The following PPARGC1A variants were observed in gnomAD, a reference collection of about 807,000 sequenced individuals.
The protein encoded by PPARGC1A is peroxisome proliferator-activated receptor gamma coactivator 1-alpha.
In PPARGC1A, 25 loss-of-function variants were observed where a neutral mutation model predicts 88.7. The ratio of observed to expected loss-of-function variants is 0.28; its 90% CI spans 0.21 to 0.39. The LOEUF (loss-of-function observed/expected upper bound fraction) is 0.39. Ranked by LOEUF, PPARGC1A falls within the 10% of genes least tolerant of loss-of-function variation. PPARGC1A has a pLI of 1.00. For synonymous variants in PPARGC1A, 363 were observed against 355.6 expected, an observed-to-expected ratio of 1.02 and a Z score of -0.24; for missense variants, 880 against 968.7, an observed-to-expected ratio of 0.91 and a Z score of 1.22.
the PPARGC1A span, among the ~76,000 whole-genome samples, chr4:24,254,374 G>A: frequency 6.6e-6 from 1 of 152,120 alleles, no homozygotes; most frequent in Non-Finnish European, 1.5e-5. Context: ...TGTCTTTTCA[G>A]AGGCTCCACA....
the PPARGC1A span, among the ~76,000 whole-genome samples, chr4:24,121,621 AG>A: frequency 6.6e-6 from 1 of 152,148 alleles, no homozygotes; most frequent in Non-Finnish European, 1.5e-5. Flanking sequence ...ACAGGTGACC[AG>A]GGGAGAGGAA....
At chr4:24,216,515 T>A in the PPARGC1A span, among the ~76,000 whole-genome samples, 1 of 152,152 alleles carries the variant, frequency 6.6e-6, no homozygotes, top group African/African-American at 2.4e-5. Context: ...CGGCTCTTCT[T>A]CAGGAGGAGA....
the PPARGC1A span, among the ~76,000 whole-genome samples, chr4:24,296,866 C>T: frequency 1.3e-5 from 2 of 152,138 alleles, no homozygotes; most frequent in African/African-American, 4.8e-5. Flanking sequence ...AGGATGCATA[C>T]GAAGTTCTGT....
At chr4:23,868,635 G>T (rs1712585523) in intron 2 of PPARGC1A, among the ~76,000 whole-genome samples, 1 of 152,136 alleles carries the variant, frequency 6.6e-6, no homozygotes, top group Non-Finnish European at 1.5e-5. Flanking sequence ...CAATTCGAAG[G>T]CCTTAACGAA....
chr4:24,387,770 A>AGAGAGAGAGAGAGAGAGAG, the PPARGC1A span, among the ~76,000 whole-genome samples: 1 of 58,838 alleles, frequency 1.7e-5, no homozygotes, highest in African/African-American at 7.4e-5. Flanking sequence ...GAGAGAGAGA[A>AGAGAGAGAGAGAGAGAGAG]AGAAAGAAAG....
the PPARGC1A span, among the ~76,000 whole-genome samples, chr4:24,333,934 CAACAACAAAAAAAAAAA>C: frequency 5.7e-4 from 8 of 14,158 alleles, no homozygotes; most frequent in Admixed American, 9.5e-4. Context: ...ACTCCAACAA[CAACAACAAAAAAAAAAA>C]AAAAAAAAAA....
At chr4:23,901,106 G>A (rs1490701306), upstream of PPARGC1A, among the ~76,000 whole-genome samples, 2 of 152,084 alleles carry the variant, frequency 1.3e-5, no homozygotes, top group Admixed American at 6.6e-5. Flanking sequence ...GGTGGCTCAT[G>A]CCTGTAATCC....
At chr4:24,469,103 G>C in the PPARGC1A span, among the ~76,000 whole-genome samples, 1 of 152,190 alleles carries the variant, frequency 6.6e-6, no homozygotes, top group Non-Finnish European at 1.5e-5. Flanking sequence ...GGAAACGCAG[G>C]ATATGTAAGC....
At chr4:24,315,884 C>G in the PPARGC1A span, among the ~76,000 whole-genome samples, 2 of 152,230 alleles carry the variant, frequency 1.3e-5, no homozygotes, top group African/African-American at 4.8e-5. Context: ...CAGACCCAAT[C>G]TGGAGTGCAT....
the PPARGC1A span, among the ~76,000 whole-genome samples, chr4:23,994,325 G>C: frequency 6.6e-6 from 1 of 152,128 alleles, no homozygotes; most frequent in Non-Finnish European, 1.5e-5. Context: ...ATTCAGCAGA[G>C]AGACTTTAAA....
the PPARGC1A span, among the ~76,000 whole-genome samples, chr4:23,934,973 C>T: frequency 2.0e-5 from 3 of 152,218 alleles, no homozygotes; most frequent in Non-Finnish European, 4.4e-5. Flanking sequence ...TTTCACAAAG[C>T]TTCCCTGTCT....
the PPARGC1A span, among the ~76,000 whole-genome samples, chr4:24,457,445 G>T: frequency 6.6e-6 from 1 of 152,154 alleles, no homozygotes; most frequent in Non-Finnish European, 1.5e-5. Flanking sequence ...GGTCCAATCA[G>T]ACAAACAATA....
chr4:24,232,255 T>C, the PPARGC1A span, among the ~76,000 whole-genome samples: 2 of 151,886 alleles, frequency 1.3e-5, no homozygotes, highest in Non-Finnish European at 2.9e-5. Flanking sequence ...GAATCACAGC[T>C]GATTCTTTGT....
the PPARGC1A span, among the ~76,000 whole-genome samples, chr4:23,994,143 G>T: frequency 5.3e-5 from 8 of 152,208 alleles, no homozygotes; most frequent in Non-Finnish European, 1.2e-4. Context: ...TCCAAGCAAA[G>T]GCTCTTTGTA....
the PPARGC1A span, among the ~76,000 whole-genome samples, chr4:24,118,949 A>T: frequency 6.6e-6 from 1 of 152,212 alleles, no homozygotes; most frequent in African/African-American, 2.4e-5. Context: ...AAAGGTGCAT[A>T]ACAAATTTGT....
chr4:23,977,344 GAA>G, the PPARGC1A span, among the ~76,000 whole-genome samples: 1 of 152,158 alleles, frequency 6.6e-6, no homozygotes, highest in African/African-American at 2.4e-5. Context: ...CGCATTCACT[GAA>G]ATTAAATCCA....
chr4:24,451,221 G>A, the PPARGC1A span, among the ~76,000 whole-genome samples: 2 of 152,102 alleles, frequency 1.3e-5, no homozygotes, highest in East Asian at 1.9e-4. Flanking sequence ...TATTTGTACT[G>A]TGTCTTATTG....
the PPARGC1A span, among the ~76,000 whole-genome samples, chr4:24,283,023 C>T: frequency 1.3e-5 from 2 of 152,126 alleles, no homozygotes; most frequent in Admixed American, 6.5e-5. Flanking sequence ...AGTTACTTCC[C>T]GTGCTCCTTA....
the PPARGC1A span, among the ~76,000 whole-genome samples, chr4:24,244,174 C>T: frequency 6.6e-6 from 1 of 152,158 alleles, no homozygotes; most frequent in African/African-American, 2.4e-5. Flanking sequence ...CATAATTAAT[C>T]TATTCCTCAA....
Sources: gnomAD v4.1 joint callset for allele counts (sites outside exome capture counted in the v4.1 genomes callset) on GRCh38, gnomAD v4.1.1 for gene constraint, MANE v1.5 for transcripts, NCBI Gene and HGNC (gene_info 2026-07-23, HGNC 2026-07-21) for gene names.